GALNT17: variants seen among roughly 807,000 people sequenced by gnomAD.
GALNT17 encodes UDP-GalNAc:polypeptide N-acetylgalactosaminyltransferase-like 3.
In GALNT17, 29 loss-of-function variants were observed where a neutral mutation model predicts 63.7. The ratio of observed to expected loss-of-function variants is 0.46; its 90% CI spans 0.34 to 0.62. The LOEUF is 0.62. Ranked by LOEUF, GALNT17 falls within the 20% of genes least tolerant of loss-of-function variation. The pLI, the probability that GALNT17 is intolerant of heterozygous loss-of-function variation, is 0.01. For synonymous variants in GALNT17, 305 were observed against 318.3 expected (o/e 0.96, Z 0.45); for missense variants, 603 against 799.6 (o/e 0.75, Z 2.97).
At chr7:71,461,145 T>C (rs1212706478) in intron 5 of GALNT17, among the ~76,000 whole-genome samples, 2 of 152,176 alleles carry the variant, frequency 1.3e-5, no homozygotes. Flanking sequence ...ATGCTTTTGA[T>C]TGAAACTCAA....
intron 5 of GALNT17, among the ~76,000 whole-genome samples, chr7:71,513,307 C>G (rs892742135): frequency 6.6e-6 from 1 of 152,016 alleles, no homozygotes; most frequent in African/African-American, 2.4e-5. Context: ...AACAAACTTC[C>G]CTGCACCCAT....
chr7:71,208,146 A>G (rs927661341), intron 1 of GALNT17, among the ~76,000 whole-genome samples: 2 of 152,092 alleles, frequency 1.3e-5, no homozygotes, highest in African/African-American at 2.4e-5. Context: ...CATGTTGCCT[A>G]GGCTGGTCTT....
intron 3 of GALNT17, among the ~76,000 whole-genome samples, chr7:71,400,024 G>A (rs754665341): frequency 2.6e-5 from 4 of 152,030 alleles, no homozygotes; most frequent in East Asian, 1.9e-4. Context: ...GGATGCATGC[G>A]CAGAACGTGC....
Position 71,564,278 on chromosome 7 carries a change from C to CTTTTTTTTTTT in GALNT17, c.963-6993_963-6983dup, listed in dbSNP as rs10539122. ...TCTTTCTTTTTTTTTCTTTTCTTTT[C>CTTTTTTTTTTT]TTTTTTTTTTTTTTTTTTTTTTTTG... is the stretch of plus-strand genomic sequence containing the variant. On this transcript the variant is annotated intron_variant, in intron 5 of 10. Transcript: ENST00000333538. Among the ~76,000 whole-genome samples the CTTTTTTTTTTT allele has an allele frequency of 6.7e-3, 653 of 97,986 alleles. 3 individuals carry two copies. The highest frequency in any genetic ancestry group is 8.9e-3 in the Non-Finnish European group (466 of 52,076). The allele number at this position is 97,986 out of a possible 152,430, so 64.3% of individuals were successfully genotyped here.
chr7:71,412,341 G>A (rs945026745), intron 3 of GALNT17, among the ~76,000 whole-genome samples: 6 of 151,550 alleles, frequency 4.0e-5, no homozygotes, highest in Admixed American at 3.9e-4. Flanking sequence ...GCATTTCCTG[G>A]AACTGTCACC....
At chr7:71,473,115 A>G (rs1250923325) in intron 5 of GALNT17, among the ~76,000 whole-genome samples, 1 of 152,204 alleles carries the variant, frequency 6.6e-6, no homozygotes, top group Admixed American at 6.5e-5. Flanking sequence ...TGGTGAATTC[A>G]AAGATTTTCT....
intron 6 of GALNT17, among the ~76,000 whole-genome samples, chr7:71,644,569 GAGAA>G (rs1790649505): frequency 7.7e-6 from 1 of 129,880 alleles, no homozygotes; most frequent in Non-Finnish European, 1.6e-5. Flanking sequence ...AAAAAAAGAA[GAGAA>G]AGAAAGAAAA....
intron 6 of GALNT17, among the ~76,000 whole-genome samples, chr7:71,661,680 A>G (rs1790909277): frequency 1.3e-5 from 2 of 152,290 alleles, no homozygotes; most frequent in Middle Eastern, 3.4e-3. Flanking sequence ...CAGGGCAGGC[A>G]CTGACCCTGG....
intron 6 of GALNT17, among the ~76,000 whole-genome samples, chr7:71,612,454 C>T (rs1217599037): frequency 6.6e-6 from 1 of 152,142 alleles, no homozygotes. Flanking sequence ...TGCATTGGGT[C>T]GAAATTAGTT....
intron 9 of GALNT17, among the ~76,000 whole-genome samples, chr7:71,685,043 G>A (rs10259120): frequency 6.6e-6 from 1 of 151,808 alleles, no homozygotes; most frequent in Non-Finnish European, 1.5e-5. Context: ...TCAAACGAAT[G>A]TCCCATATCA....
intron 1 of GALNT17, among the ~76,000 whole-genome samples, chr7:71,229,447 C>T (rs909113827): frequency 3.9e-5 from 6 of 152,202 alleles, no homozygotes; most frequent in African/African-American, 1.4e-4. Flanking sequence ...GCTCTTTCGT[C>T]AGCCTCAGTC....
chr7:71,231,482 T>A (rs548356102), intron 1 of GALNT17, among the ~76,000 whole-genome samples: 3 of 152,198 alleles, frequency 2.0e-5, no homozygotes, highest in African/African-American at 7.2e-5. Context: ...GAAAGATGGG[T>A]GTTTTAGTCG....
At chr7:71,182,680 C>T (rs776407346) in intron 1 of GALNT17, among the ~76,000 whole-genome samples, 130 of 152,022 alleles carry the variant, frequency 8.6e-4, no homozygotes, top group Non-Finnish European at 1.6e-3. Context: ...CACAAGCAGA[C>T]GAGGAGGCTT....
intron 5 of GALNT17, among the ~76,000 whole-genome samples, chr7:71,507,121 G>A (rs1788281822): frequency 6.6e-6 from 1 of 152,168 alleles, no homozygotes. Flanking sequence ...TGTACTCCCA[G>A]TTACTTGGAA....
At chr7:71,273,570 C>T (rs916669956) in intron 1 of GALNT17, among the ~76,000 whole-genome samples, 19 of 152,292 alleles carry the variant, frequency 1.2e-4, no homozygotes, top group African/African-American at 4.1e-4. Flanking sequence ...TCAAGGTAGA[C>T]AATGAAGTAT....
chr7:71,682,307 T>C (rs1791279367), intron 9 of GALNT17, among the ~76,000 whole-genome samples: 1 of 122,906 alleles, frequency 8.1e-6, no homozygotes, highest in African/African-American at 3.4e-5. Flanking sequence ...AGTGTCTGCC[T>C]TCTGTGGCCC....
intron 5 of GALNT17, among the ~76,000 whole-genome samples, chr7:71,559,900 A>AAC (rs35974941): frequency 0.51 from 75,862 of 149,804 alleles, 19,797 homozygotes; most frequent in African/African-American, 0.63. Context: ...TTAAAAACAA[A>AAC]AAAAAAAAAA....
chr7:71,451,896 G>T lies in GALNT17; in HGVS notation c.962+30791G>T, dbSNP rs116019366. ...ATTTCACCGAATTGTGGTTTTTTTTGTTTGTTTGTTTTTTTAAGAATTAAA... is the reference window on the plus strand; with the variant it reads ...ATTTCACCGAATTGTGGTTTTTTTTTTTTGTTTGTTTTTTTAAGAATTAAA... On this transcript the variant is annotated intron_variant, in intron 5 of 10. Transcript: ENST00000333538. Among the ~76,000 whole-genome samples the T allele has an allele frequency of 7.0e-3, 1,056 of 151,454 alleles. 18 individuals are homozygous for T. The highest frequency in any genetic ancestry group is 0.022 in the African/African-American group (924 of 41,312).
chr7:71,407,507 G>A (rs1408669005), intron 3 of GALNT17, among the ~76,000 whole-genome samples: 1 of 152,176 alleles, frequency 6.6e-6, no homozygotes, highest in African/African-American at 2.4e-5. Flanking sequence ...CAGCACTTTG[G>A]GAGGCTAAGG....
Sources: allele counts gnomAD v4.1 joint callset (sites outside exome capture counted in the v4.1 genomes callset), GRCh38; gene constraint gnomAD v4.1.1; transcripts MANE v1.5; gene names NCBI Gene and HGNC (gene_info 2026-07-23, HGNC 2026-07-21).